The following OR8G1 variants were observed in gnomAD, a reference collection of about 807,000 sequenced individuals.
The protein encoded by OR8G1 is olfactory receptor 8G1.
For missense variants in OR8G1, 372 were observed against 356.2 expected, an observed-to-expected ratio of 1.04 and a Z score of -0.36; for synonymous variants, 129 against 133.3, an observed-to-expected ratio of 0.97 and a Z score of 0.22.
At position 124,251,498 on chromosome 11, in the gene OR8G1, G is replaced by T; in HGVS notation, c.*887G>T. The T allele has an allele frequency of 3.3e-6, 2 of 603,546 alleles. No individual in the cohort carries two copies. Among genetic ancestry groups the T allele is most frequent in the Non-Finnish European group, 5.2e-6 (2 of 382,434 alleles). 37.4% of individuals were successfully genotyped at this position (603,546 alleles called of 1,614,324 possible). A position where few individuals can be genotyped will look rare whatever the true frequency, so the allele number is the denominator to read the frequency against. On this transcript the variant is annotated 3_prime_UTR_variant, in exon 3 of 3. Transcript: ENST00000641972. ...TCTATAATATAACTGGTAACATTCT[G>T]ACCTATTCTATGCTAAGATGTATGT... is the stretch of plus-strand genomic sequence containing the variant.
intron 1 of OR8G1, among the ~76,000 whole-genome samples, chr11:124,243,497 T>G (rs533381885): frequency 6.6e-6 from 1 of 152,142 alleles, no homozygotes; most frequent in African/African-American, 2.4e-5. Flanking sequence ...TTGAAATAAT[T>G]GACACATCAT....
rs987751490 is a variant in OR8G1, at chr11:124,247,895, G to A, written c.-17+15G>A. 6.6e-6 allele frequency: 1 copy of A among 151,858 alleles called. No homozygotes were observed. Among genetic ancestry groups the A allele is most frequent in the African/African-American group, 2.4e-5 (1 of 41,380 alleles). 9.4% of individuals were successfully genotyped at this position (151,858 alleles called of 1,614,324 possible). A position where few individuals can be genotyped will look rare whatever the true frequency, so the allele number is the denominator to read the frequency against. Reference sequence around the variant, plus strand: ...ATTTTTCTTGGGTAAGTACTGAGGAGCAGAATTATTATATTGCACAGTGTC... The same window carrying A: ...ATTTTTCTTGGGTAAGTACTGAGGAACAGAATTATTATATTGCACAGTGTC... On this transcript the variant is annotated intron_variant, in intron 2 of 2. Coordinates refer to ENST00000641972, the MANE Select transcript of OR8G1 (RefSeq NM_001002905.2).
intron 1 of OR8G1, among the ~76,000 whole-genome samples, chr11:124,246,370 T>C (rs1861810716): frequency 1.3e-5 from 2 of 151,988 alleles, no homozygotes; most frequent in Non-Finnish European, 2.9e-5. Flanking sequence ...TTCTTAAAAA[T>C]ACATTTTAAT....
In OR8G1 at chr11:124,254,176, C is replaced by G. The variant is rs1861889756; in HGVS notation, c.*3565C>G. 1 of 152,150 alleles carries G rather than the reference C, an allele frequency of 6.6e-6. No homozygotes were observed. The highest frequency in any genetic ancestry group is 1.5e-5 in the Non-Finnish European group (1 of 68,008). 9.4% of individuals were successfully genotyped at this position (152,150 alleles called of 1,614,324 possible). Reference sequence around the variant, plus strand: ...CCCATAAACAGCATGTAATGGTTCACTTTCCTCCACATCCTCTCCAACAGT... The same window carrying G: ...CCCATAAACAGCATGTAATGGTTCAGTTTCCTCCACATCCTCTCCAACAGT... On this transcript the variant is annotated 3_prime_UTR_variant, in exon 3 of 3. Coordinates refer to ENST00000641972, the MANE Select transcript of OR8G1 (RefSeq NM_001002905.2).
intron 1 of OR8G1, among the ~76,000 whole-genome samples, chr11:124,244,790 T>C (rs544176576): frequency 3.9e-5 from 6 of 152,052 alleles, no homozygotes; most frequent in African/African-American, 7.2e-5. Flanking sequence ...TCGGGCTAAA[T>C]TGAATTTTTT....
chr11:124,253,939 C>T lies in OR8G1; in HGVS notation c.*3328C>T, dbSNP rs1180600451. On this transcript the variant is annotated 3_prime_UTR_variant, in exon 3 of 3. Transcript: ENST00000641972. ...TACCACATTTTGTTTATCCATTCTT[C>T]CTAAGCGATGGACACCTAGGTTAAT... is the stretch of plus-strand genomic sequence containing the variant. 3.3e-5 allele frequency: 5 copies of T among 152,136 alleles called. No individual in the cohort carries two copies. The highest frequency in any genetic ancestry group is 7.4e-5 in the Non-Finnish European group (5 of 68,024). 9.4% of individuals were successfully genotyped at this position (152,136 alleles called of 1,614,324 possible).
rs1861879462 is a variant in OR8G1, at chr11:124,253,109, T to C, written c.*2498T>C. ...AGCTTAAATGAAGATAAAACAATAA[T>C]TTAAAGTCCGTTAGAAAACTATTTA... is the stretch of plus-strand genomic sequence containing the variant. On this transcript the variant is annotated 3_prime_UTR_variant, in exon 3 of 3. Transcript: ENST00000641972. The C allele has an allele frequency of 6.6e-6, 1 of 152,194 alleles. No individual in the cohort carries two copies. The highest frequency in any genetic ancestry group is 2.4e-5 in the African/African-American group (1 of 41,460). 9.4% of individuals were successfully genotyped at this position (152,194 alleles called of 1,614,324 possible). A position where few individuals can be genotyped will look rare whatever the true frequency, so the allele number is the denominator to read the frequency against.
intron 1 of OR8G1, among the ~76,000 whole-genome samples, chr11:124,242,308 A>G (rs1374826279): frequency 6.6e-6 from 1 of 152,028 alleles, no homozygotes; most frequent in Non-Finnish European, 1.5e-5. Context: ...CATCTTATCA[A>G]TGTCTTTCTT....
At chr11:124,245,180 A>C in intron 1 of OR8G1, among the ~76,000 whole-genome samples, 1 of 127,600 alleles carries the variant, frequency 7.8e-6, no homozygotes, top group Admixed American at 9.7e-5. Context: ...CCACCCCACT[A>C]CAGTCTCCAA....
intron 1 of OR8G1, among the ~76,000 whole-genome samples, chr11:124,245,925 A>G: frequency 6.8e-6 from 1 of 146,338 alleles, no homozygotes; most frequent in Non-Finnish European, 1.5e-5. Context: ...GCCCTTTGTC[A>G]GATGAGTAGG....
In OR8G1 at chr11:124,252,382, T is replaced by A. The variant is rs972440513; in HGVS notation, c.*1771T>A. ...TGCCAGGATCCGACTTAGAAAAAAA[T>A]ATATTTCTAAAAGCTAAGGGGACTT... is the stretch of plus-strand genomic sequence containing the variant. On this transcript the variant is annotated 3_prime_UTR_variant, in exon 3 of 3. Coordinates refer to ENST00000641972, the MANE Select transcript of OR8G1 (RefSeq NM_001002905.2). 1 of 152,094 alleles carries A rather than the reference T, an allele frequency of 6.6e-6. No homozygotes were observed. Among genetic ancestry groups the A allele is most frequent in the South Asian group, 2.1e-4 (1 of 4,828 alleles). The allele number at this position is 152,094 out of a possible 1,614,324, so 9.4% of individuals were successfully genotyped here.
rs1306314567 is a variant in OR8G1 at position 124,250,571 on chromosome 11, T to A, written c.896T>A (p.Val299Asp). ...IYSLRNKDVH[V>D]SLKKMLQRRT... ...AGCCTGAGGAATAAAGATGTCCATG[T>A]TTCCCTGAAGAAAATGCTACAGAGA... Residue 299 changes from valine to aspartate, a missense_variant, in exon 3 of 3, where the codon GTT (valine) becomes GAT (aspartate). Physicochemically the swap from Val to Asp is radical, Grantham distance 152. Coordinates refer to ENST00000641972, the MANE Select transcript of OR8G1 (RefSeq NM_001002905.2). 1.0e-6 allele frequency: 1 copy of A among 993,892 alleles called. No individual in the cohort carries two copies. The highest frequency in any genetic ancestry group is 1.4e-6 in the Non-Finnish European group (1 of 723,886). 61.6% of individuals were successfully genotyped at this position (993,892 alleles called of 1,614,324 possible).
At chr11:124,249,488 A>T (rs1423072786) in intron 2 of OR8G1, 172 bp from the exon 3 acceptor site, 1 of 231,668 alleles carries the variant, frequency 4.3e-6, no homozygotes, top group Non-Finnish European at 7.1e-6. Context: ...TACATGAAAC[A>T]CATTTATTAT....
rs1032773666 is a variant in OR8G1 at position 124,253,246 on chromosome 11, C to T, written c.*2635C>T. On this transcript the variant is annotated 3_prime_UTR_variant, in exon 3 of 3. Coordinates refer to ENST00000641972, the MANE Select transcript of OR8G1 (RefSeq NM_001002905.2). The stretch of plus-strand genomic sequence containing the variant: ...GACCAGCCTGGGCAACAAGGAGAAA[C>T]CTCATTTCTGCAGAAAATACAAAAA... The T allele has an allele frequency of 6.6e-6, 1 of 152,156 alleles. No homozygotes were observed. Among genetic ancestry groups the T allele is most frequent in the South Asian group, 2.1e-4 (1 of 4,812 alleles). 9.4% of individuals were successfully genotyped at this position (152,156 alleles called of 1,614,324 possible). A position where few individuals can be genotyped will look rare whatever the true frequency, so the allele number is the denominator to read the frequency against.
In OR8G1 at chr11:124,250,313, C is replaced by A; in HGVS notation, c.638C>A (p.Thr213Asn). ...TTTAACATCCTTGTCCCCAGCCTGA[C>A]CATCCTTTGCTCTTACATCTTTATT... Reference protein sequence around the residue: ...GAFNILVPSLTILCSYIFIIA... With the variant: ...GAFNILVPSLNILCSYIFIIA... The change falls in exon 3 of 3, where the codon ACC (threonine) becomes AAC (asparagine). Residue 213 changes from threonine to asparagine, a missense_variant. Physicochemically the swap from Thr to Asn is moderately conservative, Grantham distance 65. Transcript: ENST00000641972. 6.2e-7 allele frequency: 1 copy of A among 1,613,792 alleles called. No individual in the cohort carries two copies. Among genetic ancestry groups the A allele is most frequent in the Non-Finnish European group, 8.5e-7 (1 of 1,179,800 alleles).
rs1175273114 is a variant in OR8G1 at position 124,250,832 on chromosome 11, C to T, written c.*221C>T. On this transcript the variant is annotated 3_prime_UTR_variant, in exon 3 of 3. Transcript: ENST00000641972. ...CACAAATTAATATAAATACTAAAAT[C>T]GACATGAGTACATAGACTCATTAAT... 7.4e-4 allele frequency: 185 copies of T among 248,910 alleles called. 62 individuals carry two copies. Among genetic ancestry groups the T allele is most frequent in the African/African-American group, 6.4e-3 (164 of 25,502 alleles). 15.4% of individuals were successfully genotyped at this position (248,910 alleles called of 1,614,324 possible).
At chr11:124,243,950 GAA>G (rs1329272296) in intron 1 of OR8G1, among the ~76,000 whole-genome samples, 1 of 146,182 alleles carries the variant, frequency 6.8e-6, no homozygotes, top group Non-Finnish European at 1.5e-5. Context: ...AATAACAAAA[GAA>G]AGAGCTAGAG....
At position 124,248,081 on chromosome 11, in the gene OR8G1, A is replaced by G. The variant is rs1460580119; in HGVS notation, c.-17+201A>G. Among the ~76,000 whole-genome samples the G allele has an allele frequency of 5.9e-5, 9 of 152,048 alleles. 1 individual carries two copies. In the South Asian group the frequency reaches 1.5e-3, roughly 25 times the overall value. On this transcript the variant is annotated intron_variant, in intron 2 of 2. Coordinates refer to ENST00000641972, the MANE Select transcript of OR8G1 (RefSeq NM_001002905.2). ...CAATACAGGTGTGCAGAGCTGTATCACTATGGTTTTAACTTTCATTTCTTT... is the reference window on the plus strand; with the variant it reads ...CAATACAGGTGTGCAGAGCTGTATCGCTATGGTTTTAACTTTCATTTCTTT...
At chr11:124,248,162 T>C (rs1325504847) in intron 2 of OR8G1, among the ~76,000 whole-genome samples, 2 of 152,036 alleles carry the variant, frequency 1.3e-5, no homozygotes, top group South Asian at 2.1e-4. Flanking sequence ...TACATATTTT[T>C]GTAAGGAATT....
Sources: gnomAD v4.1 joint callset for allele counts (sites outside exome capture counted in the v4.1 genomes callset) on GRCh38, gnomAD v4.1.1 for gene constraint, MANE v1.5 for transcripts, NCBI Gene and HGNC (gene_info 2026-07-23, HGNC 2026-07-21) for gene names.